CAMK2G: variants seen among roughly 807,000 people sequenced by gnomAD.
CAMK2G encodes calcium/calmodulin dependent protein kinase II gamma.
CAMK2G carries 23 observed loss-of-function variants against 88.7 expected under a neutral mutation model. The observed-to-expected ratio is 0.26, with a 90% CI of 0.19 to 0.37. CAMK2G has a LOEUF of 0.37. CAMK2G is among the 10% of genes least tolerant of loss of function. CAMK2G has a pLI of 1.00. For missense variants in CAMK2G, 476 were observed against 780.8 expected (o/e 0.61, Z 4.65); for synonymous variants, 263 against 294.8 (o/e 0.89, Z 1.11).
At chr10:73,838,677 T>C (rs1453370225) in intron 13 of CAMK2G, among the ~76,000 whole-genome samples, 1 of 152,156 alleles carries the variant, frequency 6.6e-6, no homozygotes, top group Admixed American at 6.5e-5. Flanking sequence ...TTTGATCTTA[T>C]CTTGTCGTGC....
chr10:73,820,490 ATATTTTT>A (rs1309170702), intron 18 of CAMK2G, among the ~76,000 whole-genome samples: 44 of 53,156 alleles, frequency 8.3e-4, no homozygotes, highest in Middle Eastern at 0.017. Context: ...ATATATATAT[ATATTTTT>A]TTTTTTTTTT....
intron 3 of CAMK2G, among the ~76,000 whole-genome samples, chr10:73,859,799 C>G (rs2095285290): frequency 6.6e-6 from 1 of 152,252 alleles, no homozygotes. Context: ...GACCTCAGCC[C>G]TTCCATGACA....
At chr10:73,814,958 T>C in intron 22 of CAMK2G, 45 bp downstream of exon 22, 1 of 1,352,194 alleles carries the variant, frequency 7.4e-7, no homozygotes, top group South Asian at 1.3e-5. Flanking sequence ...TGACCCCACC[T>C]ATCCCAGGCC....
rs1227126676 is a variant in CAMK2G, at chr10:73,839,068, G to A, written c.1009+471C>T. Among the ~76,000 whole-genome samples, 1 of 152,210 alleles carries A rather than the reference G, an allele frequency of 6.6e-6. No homozygotes were observed. Among genetic ancestry groups the A allele is most frequent in the Non-Finnish European group, 1.5e-5 (1 of 68,034 alleles). On this transcript the variant is annotated intron_variant, in intron 13 of 22. Transcript: ENST00000423381. The surrounding 1 kb of genome is among the most constrained non-coding windows in gnomAD (Gnocchi z 4.2). ...CTAGGATGTGAACCCAGAAACAGCT[G>A]GCTCTGAGGCTTCTGCACTCTGGAG... is the stretch of plus-strand genomic sequence containing the variant.
chr10:73,837,965 C>G (rs1291115849), intron 13 of CAMK2G, among the ~76,000 whole-genome samples: 1 of 152,204 alleles, frequency 6.6e-6, no homozygotes, highest in East Asian at 1.9e-4. Flanking sequence ...ACAGTTCACA[C>G]AGGAGACCAG....
chr10:73,814,149 A>G lies in CAMK2G; in HGVS notation c.*369T>C, dbSNP rs1565125176. 6.6e-6 allele frequency: 1 copy of G among 151,926 alleles called. No individual in the cohort carries two copies. Among genetic ancestry groups the G allele is most frequent in the Non-Finnish European group, 1.5e-5 (1 of 68,010 alleles). The allele number at this position is 151,926 out of a possible 1,614,324, so 9.4% of individuals were successfully genotyped here. ...CCAGAGAGGCCAAGCTCACCTCTTCAAGGCCGGTGGGTGAGCCACTGCTCA... is the reference window on the plus strand; with the variant it reads ...CCAGAGAGGCCAAGCTCACCTCTTCGAGGCCGGTGGGTGAGCCACTGCTCA... On this transcript the variant is annotated 3_prime_UTR_variant, in exon 23 of 23. Coordinates refer to ENST00000423381, the MANE Select transcript of CAMK2G (RefSeq NM_001367534.1).
intron 2 of CAMK2G, among the ~76,000 whole-genome samples, chr10:73,869,756 C>T (rs1169199469): frequency 3.3e-5 from 5 of 152,152 alleles, no homozygotes; most frequent in African/African-American, 7.2e-5. Context: ...TTTCTTCACA[C>T]GGAATGTACA....
At chr10:73,823,971 C>G in intron 17 of CAMK2G, 69 bp downstream of exon 17, 1 of 1,248,294 alleles carries the variant, frequency 8.0e-7, no homozygotes, top group Non-Finnish European at 1.2e-6. Flanking sequence ...AGCCTGTAGA[C>G]CCCTGGGACC....
chr10:73,874,524 C>T lies in CAMK2G; in HGVS notation c.-63G>A. ...CGACGTCGGTGCACAGTCACCGCCG[C>T]CCGGCCGAGGGAGCAAGAGGAGGAG... On this transcript the variant is annotated 5_prime_UTR_variant, in exon 1 of 23. Transcript: ENST00000423381. 2 of 1,215,266 alleles carry T rather than the reference C, an allele frequency of 1.6e-6. No homozygotes were observed. The highest frequency in any genetic ancestry group is 2.2e-6 in the Non-Finnish European group (2 of 906,212). The allele number at this position is 1,215,266 out of a possible 1,614,324, so 75.3% of individuals were successfully genotyped here.
chr10:73,864,428 G>C (rs972774250), intron 2 of CAMK2G, among the ~76,000 whole-genome samples: 2 of 152,180 alleles, frequency 1.3e-5, no homozygotes, highest in Non-Finnish European at 2.9e-5. Flanking sequence ...GGTTGTGTAT[G>C]GGGGAGGGAT....
At chr10:73,822,274 T>C (rs2089180106) in intron 17 of CAMK2G, among the ~76,000 whole-genome samples, 1 of 152,200 alleles carries the variant, frequency 6.6e-6, no homozygotes, top group South Asian at 2.1e-4. Flanking sequence ...TTCAAGTGAT[T>C]CTCCTGTCTC....
chr10:73,840,583 G>A (rs769256483), intron 12 of CAMK2G, among the ~76,000 whole-genome samples: 9 of 152,218 alleles, frequency 5.9e-5, no homozygotes, highest in Non-Finnish European at 1.2e-4. Context: ...TGGCCAATAA[G>A]AACAGGAGGC....
intron 14 of CAMK2G, among the ~76,000 whole-genome samples, chr10:73,830,979 T>A (rs1360220052): frequency 2.0e-5 from 3 of 152,182 alleles, no homozygotes; most frequent in African/African-American, 7.2e-5. Flanking sequence ...TGCTGAAAGC[T>A]CAAGACCATC....
chr10:73,851,702 G>A (rs1029600729), intron 5 of CAMK2G, among the ~76,000 whole-genome samples: 4 of 133,514 alleles, frequency 3.0e-5, no homozygotes, highest in Non-Finnish European at 6.2e-5. Flanking sequence ...GGGTAAAGGA[G>A]ACTTGGAAAA....
At position 73,821,729 on chromosome 10, in the gene CAMK2G, C is replaced by T. The variant is rs1242543424; in HGVS notation, c.1202G>A (p.Gly401Asp). The T allele has an allele frequency of 1.2e-6, 2 of 1,610,638 alleles. No homozygotes were observed. Among genetic ancestry groups the T allele is most frequent in the East Asian group, 2.2e-5 (1 of 44,884 alleles). ...VVHNATDGIKGSTESCNTTTE... is the reference protein window; with the variant it reads ...VVHNATDGIKDSTESCNTTTE... ...GGTGGTGTTGCAGCTCTCTGTGGAG[C>T]CCTGTAGGCCAAAAAGAACATGTTT... The change falls in exon 18 of 23, where the codon GGC (glycine) becomes GAC (aspartate). Residue 401 changes from glycine to aspartate, a missense_variant and splice_region_variant. Transcript: ENST00000423381.
intron 5 of CAMK2G, among the ~76,000 whole-genome samples, chr10:73,850,000 A>C (rs549011338): frequency 6.6e-6 from 1 of 152,276 alleles, no homozygotes; most frequent in Admixed American, 6.5e-5. Flanking sequence ...AAGTTATTTT[A>C]TTATTTTATT....
chr10:73,828,416 A>C (rs537275983), intron 14 of CAMK2G, among the ~76,000 whole-genome samples: 1 of 152,336 alleles, frequency 6.6e-6, no homozygotes, highest in East Asian at 1.9e-4. Context: ...AGATTAAGAC[A>C]CAAGTCTGTG....
intron 1 of CAMK2G, 83 bp from the exon 2 acceptor site, chr10:73,873,166 C>G: frequency 9.6e-7 from 1 of 1,046,180 alleles, no homozygotes; most frequent in Non-Finnish European, 1.5e-6. Flanking sequence ...GACGATGATG[C>G]TCCCACCACC....
At chr10:73,847,626 G>A (rs1042346418) in intron 9 of CAMK2G, among the ~76,000 whole-genome samples, 2 of 152,204 alleles carry the variant, frequency 1.3e-5, no homozygotes, top group African/African-American at 4.8e-5. Context: ...TCTATACTTA[G>A]GAGGGAACAG....
Sources: gnomAD v4.1 joint callset for allele counts (sites outside exome capture counted in the v4.1 genomes callset) on GRCh38, gnomAD v4.1.1 for gene constraint, Gnocchi (gnomAD v3.1) non-coding constraint, MANE v1.5 for transcripts, NCBI Gene and HGNC (gene_info 2026-07-23, HGNC 2026-07-21) for gene names.